The following DNAH8 variants were observed in gnomAD, a reference collection of about 807,000 sequenced individuals.
DNAH8 encodes axonemal beta dynein heavy chain 8.
A neutral mutation model predicts 562.1 loss-of-function variants in DNAH8; 382 were observed. The ratio of observed to expected loss-of-function variants is 0.68; its 90% CI spans 0.63 to 0.74. The LOEUF is 0.74. Ranked by LOEUF, DNAH8 falls within the 30% of genes least tolerant of loss-of-function variation. The probability of loss-of-function intolerance (pLI) is 0.00; values close to 1 mark genes in which losing one functional copy is unlikely to be tolerated. For synonymous variants in DNAH8, 1,881 were observed against 1,919.4 expected, an observed-to-expected ratio of 0.98 and a Z score of 0.52; for missense variants, 5,203 against 5,620.4, an observed-to-expected ratio of 0.93 and a Z score of 2.37.
At chr6:38,834,398 A>G (rs1774103943) in intron 31 of DNAH8, among the ~76,000 whole-genome samples, 181 bp from the exon 32 acceptor site, 1 of 152,248 alleles carries the variant, frequency 6.6e-6, no homozygotes, top group Non-Finnish European at 1.5e-5. Context: ...ATTGTATAGT[A>G]TGTGAATTCC....
chr6:38,895,172 C>T (rs1779596038), intron 59 of DNAH8, among the ~76,000 whole-genome samples: 1 of 152,124 alleles, frequency 6.6e-6, no homozygotes. Context: ...CTCCTGACCT[C>T]AGGAGATCCT....
At chr6:39,016,537 C>A (rs1166641818) in intron 91 of DNAH8, among the ~76,000 whole-genome samples, 1 of 142,496 alleles carries the variant, frequency 7.0e-6, no homozygotes, top group Non-Finnish European at 1.5e-5. Context: ...GGCAACAGAG[C>A]GAGACTCTGT....
intron 82 of DNAH8, among the ~76,000 whole-genome samples, chr6:38,967,254 T>C (rs1763031052): frequency 6.6e-6 from 1 of 152,076 alleles, no homozygotes; most frequent in African/African-American, 2.4e-5. Flanking sequence ...ACGACTTTTA[T>C]TCAGCATTGT....
chr6:38,868,005 G>C, intron 47 of DNAH8, 57 bp from the exon 48 acceptor site: 1 of 1,550,076 alleles, frequency 6.5e-7, no homozygotes, highest in Non-Finnish European at 8.8e-7. Context: ...AGTGAGCCGT[G>C]AGTCTATGTT....
chr6:38,788,220 C>T (rs1485789999), intron 18 of DNAH8, among the ~76,000 whole-genome samples: 1 of 151,402 alleles, frequency 6.6e-6, no homozygotes, highest in Non-Finnish European at 1.5e-5. Context: ...GGCATGATCT[C>T]AGCTCACTGC....
rs1248887175 is a variant in DNAH8 at position 38,807,113 on chromosome 6, G to C, written c.3151-497G>C. On this transcript the variant is annotated intron_variant, in intron 23 of 92. Transcript: ENST00000327475. ...GCTACTTCTCCCAAGGGAAGGAAGG[G>C]TGTGGAGAGAGGGTCAAACCGCTGT... Among the ~76,000 whole-genome samples, 7 of 152,344 alleles carry C rather than the reference G, an allele frequency of 4.6e-5. No homozygotes were observed. The East Asian group carries it at 1.3e-3, about 29-fold the overall frequency.
intron 3 of DNAH8, among the ~76,000 whole-genome samples, chr6:38,726,102 C>T (rs1665860257): frequency 6.6e-6 from 1 of 152,190 alleles, no homozygotes; most frequent in Non-Finnish European, 1.5e-5. Context: ...GGCTTTAGGC[C>T]TGTCCCGAGG....
At chr6:38,990,674 T>C (rs576240664) in intron 88 of DNAH8, among the ~76,000 whole-genome samples, 1 of 152,264 alleles carries the variant, frequency 6.6e-6, no homozygotes, top group Non-Finnish European at 1.5e-5. Context: ...CTGTGGTGGG[T>C]GCAGTGCGGT....
chr6:38,798,602 A>G (rs975977414), intron 21 of DNAH8, among the ~76,000 whole-genome samples: 6 of 152,254 alleles, frequency 3.9e-5, no homozygotes, highest in African/African-American at 1.4e-4. Flanking sequence ...GCCAGCTGAC[A>G]CAGGACATCT....
At chr6:38,811,217 G>A (rs1265697306) in intron 24 of DNAH8, among the ~76,000 whole-genome samples, 1 of 152,052 alleles carries the variant, frequency 6.6e-6, no homozygotes, top group African/African-American at 2.4e-5. Flanking sequence ...TCTTCTTCTG[G>A]AACTCCTATT....
intron 12 of DNAH8, among the ~76,000 whole-genome samples, chr6:38,772,187 C>G (rs1168704596): frequency 2.0e-5 from 3 of 151,954 alleles, no homozygotes; most frequent in African/African-American, 7.3e-5. Flanking sequence ...CGCCACTACG[C>G]CCGGCTAATT....
intron 1 of DNAH8, among the ~76,000 whole-genome samples, chr6:38,715,794 AACTACATATC>A (rs1486929253): frequency 2.1e-5 from 3 of 143,144 alleles, no homozygotes; most frequent in African/African-American, 7.4e-5. Context: ...GGGATGAAAC[AACTACATATC>A]GCTTGCAATG....
At chr6:38,833,519 T>C (rs1774024150) in intron 31 of DNAH8, among the ~76,000 whole-genome samples, 1 of 152,222 alleles carries the variant, frequency 6.6e-6, no homozygotes, top group Admixed American at 6.5e-5. Context: ...TTCCACAATT[T>C]GCAGACATAA....
At chr6:38,749,842 T>G (rs1765277375) in intron 8 of DNAH8, among the ~76,000 whole-genome samples, 1 of 152,032 alleles carries the variant, frequency 6.6e-6, no homozygotes, top group Non-Finnish European at 1.5e-5. Flanking sequence ...TTATTTTTTA[T>G]TTTTTTTGAG....
intron 87 of DNAH8, 200 bp downstream of exon 87, chr6:38,984,507 A>C: frequency 1.8e-6 from 1 of 546,288 alleles, no homozygotes; most frequent in East Asian, 3.2e-5. Context: ...ACAACCAGCA[A>C]TTGGGCCAGG....
intron 37 of DNAH8, 117 bp from the exon 38 acceptor site, chr6:38,850,134 G>T: frequency 5.6e-6 from 5 of 898,460 alleles, no homozygotes; most frequent in Non-Finnish European, 6.6e-6. Flanking sequence ...TTTAAATTAT[G>T]CAGCCTGAGA....
At chr6:38,873,401 C>G (rs375961016) in intron 52 of DNAH8, 25 bp downstream of exon 52, 288 of 1,559,384 alleles carry the variant, frequency 1.8e-4, no homozygotes, top group Non-Finnish European at 2.4e-4. Flanking sequence ...TGTACATTTA[C>G]TACTTCGATT....
intron 68 of DNAH8, among the ~76,000 whole-genome samples, chr6:38,916,276 C>A (rs1243348624): frequency 6.6e-6 from 1 of 152,154 alleles, no homozygotes; most frequent in East Asian, 1.9e-4. Flanking sequence ...TTTAAACGTG[C>A]CTCCACCTCT....
In DNAH8 at chr6:38,974,409, T is replaced by C. The variant is rs1348349987; in HGVS notation, c.12714T>C (p.Gly4238=). Reference sequence around the variant, plus strand: ...AATTCACTAATGAGCCACCCCAAGGTGTACGCGCAGGTTTGAAAAGAACAT... The same window carrying C: ...AATTCACTAATGAGCCACCCCAAGGCGTACGCGCAGGTTTGAAAAGAACAT... The part of the protein sequence containing the change: ...SLKFTNEPPQ[G]VRAGLKRTFA... The change falls in exon 85 of 93, where the codon GGT becomes GGC. Residue 4238 remains glycine, a synonymous_variant. Coordinates refer to ENST00000327475, the MANE Select transcript of DNAH8 (RefSeq NM_001206927.2). 6.2e-7 allele frequency: 1 copy of C among 1,614,020 alleles called. No homozygotes were observed. The highest frequency in any genetic ancestry group is 8.5e-7 in the Non-Finnish European group (1 of 1,179,902).
Sources: gnomAD v4.1 joint callset for allele counts (sites outside exome capture counted in the v4.1 genomes callset) on GRCh38, gnomAD v4.1.1 for gene constraint, MANE v1.5 for transcripts, NCBI Gene and HGNC (gene_info 2026-07-23, HGNC 2026-07-21) for gene names.